PCMTD1: variants seen among roughly 807,000 people sequenced by gnomAD.
PCMTD1 encodes the protein protein-L-isoaspartate O-methyltransferase domain-containing protein 1.
PCMTD1 carries 12 observed loss-of-function variants against 37.6 expected under a neutral mutation model. That is an observed-to-expected ratio of 0.32 (90% CI 0.20 to 0.52). The LOEUF (loss-of-function observed/expected upper bound fraction) is 0.52. Among genes scored for constraint, PCMTD1 ranks in the 20% least tolerant of loss-of-function variants. The pLI, the probability that PCMTD1 is intolerant of heterozygous loss-of-function variation, is 0.97. For missense variants in PCMTD1, 235 were observed against 421.3 expected (o/e 0.56, Z 3.87); for synonymous variants, 117 against 135.8 (o/e 0.86, Z 0.96).
intron 1 of PCMTD1, among the ~76,000 whole-genome samples, chr8:51,877,032 C>A (rs2038722385): frequency 6.6e-6 from 1 of 152,198 alleles, no homozygotes; most frequent in Admixed American, 6.5e-5. Flanking sequence ...TGAATGCCAT[C>A]TGAAGTAGTC....
intron 1 of PCMTD1, among the ~76,000 whole-genome samples, chr8:51,871,204 G>C (rs2038634780): frequency 6.6e-6 from 1 of 152,188 alleles, no homozygotes; most frequent in South Asian, 2.1e-4. Context: ...GAACTAAAGA[G>C]AGTGGAAATG....
At chr8:51,864,770 T>C (rs1325876588) in intron 1 of PCMTD1, among the ~76,000 whole-genome samples, 4 of 151,776 alleles carry the variant, frequency 2.6e-5, no homozygotes, top group African/African-American at 4.8e-5. Flanking sequence ...AGAGTAAAGA[T>C]TTCAAATAAA....
At chr8:51,839,763 G>C (rs528041498) in intron 3 of PCMTD1, 1 of 341,370 alleles carries the variant, frequency 2.9e-6, no homozygotes, top group Admixed American at 6.5e-5. Context: ...TATTCCAGTG[G>C]AATAGAGAAA....
chr8:51,830,740 A>T (rs1383076864), intron 5 of PCMTD1, among the ~76,000 whole-genome samples: 1 of 152,156 alleles, frequency 6.6e-6, no homozygotes, highest in Non-Finnish European at 1.5e-5. Context: ...GTCTCTCTGT[A>T]TGAAAAAATG....
chr8:51,838,282 T>C (rs1165492486), intron 3 of PCMTD1, among the ~76,000 whole-genome samples: 4 of 152,038 alleles, frequency 2.6e-5, no homozygotes, highest in Non-Finnish European at 5.9e-5. Flanking sequence ...AGCCCAGGAG[T>C]TCTAGACCAG....
At chr8:51,857,454 C>T (rs561371737) in intron 2 of PCMTD1, among the ~76,000 whole-genome samples, 1 of 152,302 alleles carries the variant, frequency 6.6e-6, no homozygotes, top group Non-Finnish European at 1.5e-5. Flanking sequence ...AATTCAGAAT[C>T]CCTACCTGAA....
chr8:51,857,018 A>G (rs2038400601), intron 2 of PCMTD1, among the ~76,000 whole-genome samples: 1 of 152,264 alleles, frequency 6.6e-6, no homozygotes, highest in Non-Finnish European at 1.5e-5. Context: ...GAGAACATGC[A>G]TAAGCATGCA....
intron 1 of PCMTD1, among the ~76,000 whole-genome samples, chr8:51,867,771 AC>A (rs1672710443): frequency 6.6e-6 from 1 of 152,024 alleles, no homozygotes; most frequent in Non-Finnish European, 1.5e-5. Flanking sequence ...GGTTAAACTT[AC>A]AAAAGTAGAG....
rs35705942 is a variant in PCMTD1, at chr8:51,820,230, A to ATTT, written c.*118_*120dup. 143 of 784,062 alleles carry ATTT rather than the reference A, an allele frequency of 1.8e-4. No homozygotes were observed. Among genetic ancestry groups the ATTT allele is most frequent in the Middle Eastern group, 1.2e-3 (3 of 2,446 alleles). The allele number at this position is 784,062 out of a possible 1,614,324, so 48.6% of individuals were successfully genotyped here. A position where few individuals can be genotyped will look rare whatever the true frequency, so the allele number is the denominator to read the frequency against. On this transcript the variant is annotated 3_prime_UTR_variant, in exon 6 of 6. Transcript: ENST00000522514. ...TTTGTGTTACTGACAGAAACAAGTG[A>ATTT]TTTTTTTTCCACTATAATTTGCTCT... is the stretch of plus-strand genomic sequence containing the variant.
chr8:51,842,302 A>G (rs1249605777), intron 3 of PCMTD1, among the ~76,000 whole-genome samples: 1 of 152,152 alleles, frequency 6.6e-6, no homozygotes, highest in Non-Finnish European at 1.5e-5. Flanking sequence ...TTCAAAACAC[A>G]GGAATCAAGC....
intron 2 of PCMTD1, among the ~76,000 whole-genome samples, chr8:51,851,490 C>T (rs1188470848): frequency 6.6e-6 from 1 of 152,072 alleles, no homozygotes; most frequent in Non-Finnish European, 1.5e-5. Context: ...ATATTCAAGA[C>T]TAACAGGTCA....
intron 5 of PCMTD1, among the ~76,000 whole-genome samples, chr8:51,823,165 A>G (rs936096120): frequency 2.0e-5 from 3 of 152,182 alleles, no homozygotes; most frequent in Non-Finnish European, 2.9e-5. Context: ...TGTGAGCTTC[A>G]TTTAAAAGTT....
intron 3 of PCMTD1, among the ~76,000 whole-genome samples, chr8:51,841,314 T>C (rs2129279192): frequency 6.6e-6 from 1 of 152,318 alleles, no homozygotes; most frequent in South Asian, 2.1e-4. Context: ...TCATGACTCA[T>C]TTATATGGCA....
At chr8:51,841,420 C>T (rs1032971778) in intron 3 of PCMTD1, among the ~76,000 whole-genome samples, 3 of 152,132 alleles carry the variant, frequency 2.0e-5, no homozygotes, top group African/African-American at 7.2e-5. Context: ...CACTGTCATA[C>T]TTTCAAAGTC....
chr8:51,898,109 T>A (rs1171093773), intron 1 of PCMTD1, among the ~76,000 whole-genome samples: 2 of 152,070 alleles, frequency 1.3e-5, no homozygotes, highest in African/African-American at 4.8e-5. Flanking sequence ...ATTAAAAAAA[T>A]AAATAGGGGA....
intron 5 of PCMTD1, among the ~76,000 whole-genome samples, chr8:51,822,642 G>C (rs1221638499): frequency 6.6e-6 from 1 of 152,168 alleles, no homozygotes; most frequent in Non-Finnish European, 1.5e-5. Context: ...TGCAGGTTTT[G>C]ACTGCAGAGT....
intron 2 of PCMTD1, among the ~76,000 whole-genome samples, chr8:51,859,057 C>G (rs1487969614): frequency 7.2e-5 from 11 of 152,104 alleles, no homozygotes; most frequent in Non-Finnish European, 8.8e-5. Context: ...TGATGCATAC[C>G]TCCCCCATCC....
Position 51,825,454 on chromosome 8 carries a change from G to C in PCMTD1, c.707-4736C>G, listed in dbSNP as rs1250722169. ...TCACGCCTGTAATCCCAGCACTTTGGGAGGCCGAGGCGGGTGGATCATGAG... is the reference window on the plus strand; with the variant it reads ...TCACGCCTGTAATCCCAGCACTTTGCGAGGCCGAGGCGGGTGGATCATGAG... On this transcript the variant is annotated intron_variant, in intron 5 of 5. Transcript: ENST00000522514. 5.3e-5 allele frequency among the ~76,000 whole-genome samples: 2 copies of C among 37,576 alleles called. 1 individual carries two copies. The highest frequency in any genetic ancestry group is 9.3e-4 in the Admixed American group (2 of 2,154). 24.7% of individuals were successfully genotyped at this position (37,576 alleles called of 152,430 possible).
chr8:51,846,323 T>C (rs559158539), intron 2 of PCMTD1, among the ~76,000 whole-genome samples: 1 of 152,262 alleles, frequency 6.6e-6, no homozygotes, highest in Admixed American at 6.5e-5. Flanking sequence ...TTTACACTTC[T>C]CACTTAGGCT....
Sources: gnomAD v4.1 joint callset for allele counts (sites outside exome capture counted in the v4.1 genomes callset) on GRCh38, gnomAD v4.1.1 for gene constraint, MANE v1.5 for transcripts, NCBI Gene and HGNC (gene_info 2026-07-23, HGNC 2026-07-21) for gene names.